Variants in AGBL1 observed in about 807,000 individuals in gnomAD.
AGBL1 encodes cytosolic carboxypeptidase 4.
In AGBL1, 130 loss-of-function variants were observed where a neutral mutation model predicts 118.9. That is an observed-to-expected ratio of 1.09 (90% CI 0.95 to 1.26). The LOEUF (loss-of-function observed/expected upper bound fraction) is 1.26. Among genes scored for constraint, AGBL1 ranks in the 50% most tolerant of loss-of-function variants. AGBL1 has a pLI of 0.00. For synonymous variants in AGBL1, 555 were observed against 478.9 expected, an observed-to-expected ratio of 1.16 and a Z score of -2.08; for missense variants, 1,584 against 1,298.1, an observed-to-expected ratio of 1.22 and a Z score of -3.38.
At chr15:86,280,529 C>T (rs1351852394) in intron 16 of AGBL1, among the ~76,000 whole-genome samples, 4 of 152,166 alleles carry the variant, frequency 2.6e-5, no homozygotes, top group African/African-American at 7.2e-5. Flanking sequence ...GCTACCATTT[C>T]GTGGATATCC....
chr15:86,445,828 G>A (rs6496329), intron 18 of AGBL1, among the ~76,000 whole-genome samples: 13,299 of 152,246 alleles, frequency 0.087, 807 homozygotes, highest in African/African-American at 0.17. Context: ...ATTACAGCAC[G>A]TTGTATTAAA....
rs116635036 is a variant in AGBL1, at chr15:86,855,511, G to A, written c.3159-51576G>A. Among the ~76,000 whole-genome samples the A allele has an allele frequency of 5.2e-4, 79 of 152,276 alleles. 1 individual carries two copies. The highest frequency in any genetic ancestry group is 1.7e-3 in the African/African-American group (72 of 41,562). ...TGAATCACTGGAACATGGCATCCACGTGGGAGAAGTGGTGCTTCCTCCTCC... is the reference window on the plus strand; with the variant it reads ...TGAATCACTGGAACATGGCATCCACATGGGAGAAGTGGTGCTTCCTCCTCC... On this transcript the variant is annotated intron_variant, in intron 22 of 22. Transcript: ENST00000614907.
At chr15:86,489,607 A>G (rs1374832824) in intron 18 of AGBL1, among the ~76,000 whole-genome samples, 1 of 152,136 alleles carries the variant, frequency 6.6e-6, no homozygotes, top group African/African-American at 2.4e-5. Flanking sequence ...CACGAACCAA[A>G]TCTGTCCTAT....
In AGBL1 at chr15:86,914,132, G is replaced by A. The variant is rs536013139; in HGVS notation, c.*6838G>A. 6.6e-6 allele frequency: 1 copy of A among 152,352 alleles called. No individual in the cohort carries two copies. The highest frequency in any genetic ancestry group is 1.9e-4 in the East Asian group (1 of 5,174). 9.4% of individuals were successfully genotyped at this position (152,352 alleles called of 1,614,324 possible). A position where few individuals can be genotyped will look rare whatever the true frequency, so the allele number is the denominator to read the frequency against. Reference sequence around the variant, plus strand: ...TTGAGTTCAATTGTCTCTACTGGCTGTGGGACGGGACAGGAAGCAGAGAAG... The same window carrying A: ...TTGAGTTCAATTGTCTCTACTGGCTATGGGACGGGACAGGAAGCAGAGAAG... On this transcript the variant is annotated 3_prime_UTR_variant, in exon 23 of 23. Coordinates refer to ENST00000614907, the MANE Select transcript of AGBL1 (RefSeq NM_001386094.1).
intron 21 of AGBL1, among the ~76,000 whole-genome samples, chr15:86,624,416 C>T (rs2084854703): frequency 1.3e-5 from 2 of 152,168 alleles, no homozygotes; most frequent in South Asian, 4.1e-4. Context: ...GTATACAGTG[C>T]CATGGTTTGA....
At chr15:86,888,178 G>GT (rs1054104018) in intron 22 of AGBL1, among the ~76,000 whole-genome samples, 14 of 151,952 alleles carry the variant, frequency 9.2e-5, no homozygotes, top group African/African-American at 3.4e-4. Context: ...CATGGACCAA[G>GT]ACCAGTCCTG....
At chr15:86,086,821 C>A (rs1895689521) in intron 1 of AGBL1, among the ~76,000 whole-genome samples, 1 of 152,152 alleles carries the variant, frequency 6.6e-6, no homozygotes, top group Middle Eastern at 3.2e-3. Flanking sequence ...TCTGATTGCC[C>A]AATAGCATGC....
At chr15:86,883,754 T>G (rs1486933478) in intron 22 of AGBL1, among the ~76,000 whole-genome samples, 10 of 152,134 alleles carry the variant, frequency 6.6e-5, no homozygotes, top group Admixed American at 6.6e-4. Flanking sequence ...AATTAATGAA[T>G]AGATAAATAA....
At chr15:86,200,475 CT>C (rs1440976406) in intron 5 of AGBL1, among the ~76,000 whole-genome samples, 3 of 148,910 alleles carry the variant, frequency 2.0e-5, no homozygotes, top group African/African-American at 7.4e-5. Flanking sequence ...GTTTCCCATG[CT>C]TTATTGTTTA....
chr15:86,640,237 TTATG>T (rs2085168603), intron 21 of AGBL1, among the ~76,000 whole-genome samples: 1 of 152,170 alleles, frequency 6.6e-6, no homozygotes, highest in Non-Finnish European at 1.5e-5. Context: ...AAAGATATAT[TTATG>T]TGTCATTCCT....
intron 22 of AGBL1, among the ~76,000 whole-genome samples, chr15:86,677,740 T>C (rs2085875064): frequency 6.6e-6 from 1 of 152,176 alleles, no homozygotes; most frequent in Admixed American, 6.5e-5. Context: ...CACCTTAGTA[T>C]CTACATAAAC....
At chr15:86,269,160 G>GTA (rs2079118300) in intron 13 of AGBL1, among the ~76,000 whole-genome samples, 2 of 152,124 alleles carry the variant, frequency 1.3e-5, no homozygotes, top group Non-Finnish European at 2.9e-5. Context: ...ATAAATTCAT[G>GTA]GAGCTGTATA....
chr15:86,178,248 G>A (rs998265709), intron 5 of AGBL1, among the ~76,000 whole-genome samples: 2 of 152,192 alleles, frequency 1.3e-5, no homozygotes, highest in African/African-American at 2.4e-5. Context: ...GGGAGTTGGA[G>A]GTTGCAGTGA....
At chr15:87,019,699 C>G (rs192964436) in intron 24 of AGBL1, among the ~76,000 whole-genome samples, 2 of 151,914 alleles carry the variant, frequency 1.3e-5, no homozygotes, top group Admixed American at 1.3e-4. Flanking sequence ...AACCTAACAT[C>G]ACAACTAAAA....
At chr15:86,763,432 C>T (rs1235604631) in intron 22 of AGBL1, among the ~76,000 whole-genome samples, 1 of 151,658 alleles carries the variant, frequency 6.6e-6, no homozygotes, top group East Asian at 1.9e-4. Context: ...AAAAAAATTA[C>T]AAAAATTATA....
At chr15:86,495,308 A>G (rs964905252) in intron 18 of AGBL1, among the ~76,000 whole-genome samples, 1 of 151,836 alleles carries the variant, frequency 6.6e-6, no homozygotes, top group Admixed American at 6.6e-5. Context: ...TAAAATTCAA[A>G]ACAAAACGAA....
chr15:86,577,164 A>G (rs770310268), intron 21 of AGBL1, among the ~76,000 whole-genome samples: 1 of 152,190 alleles, frequency 6.6e-6, no homozygotes, highest in Non-Finnish European at 1.5e-5. Context: ...CCAAATGCTT[A>G]TAGTGATATG....
At chr15:86,638,482 G>T (rs1367363105) in intron 21 of AGBL1, among the ~76,000 whole-genome samples, 3 of 152,142 alleles carry the variant, frequency 2.0e-5, no homozygotes, top group Non-Finnish European at 4.4e-5. Flanking sequence ...AGCAGGTGTG[G>T]GTAGTGAGTG....
intron 22 of AGBL1, among the ~76,000 whole-genome samples, chr15:86,757,076 T>C (rs1331508165): frequency 6.6e-6 from 1 of 151,984 alleles, no homozygotes; most frequent in Non-Finnish European, 1.5e-5. Context: ...AATTTACAAC[T>C]AAAAACAGTA....
Sources: gnomAD v4.1 joint callset for allele counts (sites outside exome capture counted in the v4.1 genomes callset) on GRCh38, gnomAD v4.1.1 for gene constraint, MANE v1.5 for transcripts, NCBI Gene and HGNC (gene_info 2026-07-23, HGNC 2026-07-21) for gene names.